The following ENOSF1 variants were observed in gnomAD, a reference collection of about 807,000 sequenced individuals.
The protein encoded by ENOSF1 is enolase superfamily member 1, also known as mitochondrial enolase superfamily member 1.
ENOSF1 carries 73 observed loss-of-function variants against 68.2 expected under a neutral mutation model. That is an observed-to-expected ratio of 1.07 (90% CI 0.89 to 1.30). The LOEUF (loss-of-function observed/expected upper bound fraction) is 1.30. Ranked by LOEUF, ENOSF1 falls within the 50% of genes most tolerant of loss-of-function variation. The probability of loss-of-function intolerance (pLI) is 0.00; values close to 1 mark genes in which losing one functional copy is unlikely to be tolerated. For synonymous variants in ENOSF1, 223 were observed against 210.4 expected (o/e 1.06, Z -0.52); for missense variants, 589 against 554.5 (o/e 1.06, Z -0.62).
intron 5 of ENOSF1, chr18:692,673 A>T (rs1218358191): frequency 2.0e-6 from 2 of 984,322 alleles, no homozygotes; most frequent in East Asian, 2.3e-4. Flanking sequence ...GGATCCAAAA[A>T]TGGAGGGTCC....
intron 11 of ENOSF1, among the ~76,000 whole-genome samples, chr18:681,267 T>G (rs115919864): frequency 0.021 from 3,230 of 152,330 alleles, 131 homozygotes; most frequent in African/African-American, 0.074. Flanking sequence ...AGCCTGTCCC[T>G]GGCATGTGCC....
chr18:668,305 A>T (rs186872347), downstream of ENOSF1, among the ~76,000 whole-genome samples: 190 of 152,298 alleles, frequency 1.2e-3, 1 homozygote, highest in African/African-American at 4.5e-3. Flanking sequence ...TTTGAGAACT[A>T]CTGAACCAGA....
chr18:665,504 C>T (rs2074802205), downstream of ENOSF1, among the ~76,000 whole-genome samples: 1 of 142,472 alleles, frequency 7.0e-6, no homozygotes, highest in South Asian at 2.3e-4. Context: ...TTTTTTGTGT[C>T]TCTATTTCCT....
intron 5 of ENOSF1, chr18:693,278 T>C: frequency 1.6e-6 from 2 of 1,274,026 alleles, no homozygotes; most frequent in Non-Finnish European, 2.0e-6. Context: ...GAGGCTACAA[T>C]GGCCTGATCT....
rs562303979 is a variant in ENOSF1 at position 706,493 on chromosome 18, G to C, written c.170C>G (p.Thr57Ser). 5 of 1,613,504 alleles carry C rather than the reference G, an allele frequency of 3.1e-6. No individual in the cohort carries two copies. The Admixed American group carries it at 6.7e-5, about 22-fold the overall frequency. ...ACCAACTTCAGTGCCTTTTCCCAGA[G>C]TGAAGGTAATTCCACACCCCTTGAT... ...DGIKGCGITF[T>S]LGKGTEVVVC... is the part of the protein sequence containing the mutation. Residue 57 changes from threonine (T) to serine (S), a missense_variant, in exon 2 of 16, where the codon ACT (threonine) becomes AGT (serine). Physicochemically the swap from Thr to Ser is moderately conservative, Grantham distance 58. Transcript: ENST00000647584.
intron 10 of ENOSF1, among the ~76,000 whole-genome samples, chr18:685,042 CT>C (rs1555652284): frequency 6.6e-6 from 1 of 151,654 alleles, no homozygotes; most frequent in Non-Finnish European, 1.5e-5. Flanking sequence ...TTTCTTCTTT[CT>C]TTTAGAGAGA....
Position 710,535 on chromosome 18 carries a change from TCTCA to T in ENOSF1, c.84+1965_84+1968del, listed in dbSNP as rs1379763749. 2.0e-5 allele frequency among the ~76,000 whole-genome samples: 3 copies of T among 151,948 alleles called. No individual in the cohort carries two copies. The South Asian group carries it at 6.2e-4, about 31-fold the overall frequency. ...CCTCCTTTTTTCTTTAGAAACAGGG[TCTCA>T]CTGTGTCATCCAGTGCCCAGGCTGG... On this transcript the variant is annotated intron_variant, in intron 1 of 15. Transcript: ENST00000647584.
chr18:677,558 AT>A, intron 13 of ENOSF1, 114 bp from the exon 14 acceptor site: 1 of 1,244,430 alleles, frequency 8.0e-7, no homozygotes, highest in Non-Finnish European at 1.1e-6. Context: ...ATTTATTAAT[AT>A]TTAGGAAGGA....
At chr18:667,257 TGATGGA>T (rs1280753773), downstream of ENOSF1, among the ~76,000 whole-genome samples, 3 of 21,146 alleles carry the variant, frequency 1.4e-4, no homozygotes, top group African/African-American at 3.6e-4. Flanking sequence ...ATGGTGATGG[TGATGGA>T]GATGGTGATG....
rs554550438 is a variant in ENOSF1 at position 692,757 on chromosome 18, G to C, written c.423+1125C>G. 1.1e-5 allele frequency: 11 copies of C among 996,328 alleles called. No homozygotes were observed. The African/African-American group carries it at 1.9e-4, about 17-fold the overall frequency. 61.7% of individuals were successfully genotyped at this position (996,328 alleles called of 1,614,324 possible). On this transcript the variant is annotated intron_variant, in intron 5 of 15. Transcript: ENST00000647584. The stretch of plus-strand genomic sequence containing the variant: ...TTTGGTGGCTACCTCCTCCATCCCC[G>C]TAAAACGCCAACCTTGAATCTAGAA...
At chr18:694,057 T>C (rs2077475634) in intron 4 of ENOSF1, 149 bp from the exon 5 acceptor site, 11 of 1,050,316 alleles carry the variant, frequency 1.0e-5, no homozygotes, top group Non-Finnish European at 1.5e-5. Flanking sequence ...TCCGCCATCC[T>C]GTCTCCTCTT....
In ENOSF1 at chr18:694,256, C is replaced by T; in HGVS notation, c.388G>A (p.Glu130Lys). The change falls in exon 4 of 16, where the codon GAG (glutamate) becomes AAG (lysine). Residue 130 changes from glutamate to lysine, a missense_variant. Transcript: ENST00000647584. ...TTTGTGAGAGGGGTTACCTTTCCCTCCTGCTTGGCCCACAAGTCCCACACC... is the reference window on the plus strand; with the variant it reads ...TTTGTGAGAGGGGTTACCTTTCCCTTCTGCTTGGCCCACAAGTCCCACACC... ...NAVWDLWAKQ[E>K]GKPVWKLLVD... The T allele has an allele frequency of 6.2e-7, 1 of 1,614,154 alleles. No homozygotes were observed. Among genetic ancestry groups the T allele is most frequent in the Non-Finnish European group, 8.5e-7 (1 of 1,180,024 alleles).
intron 15 of ENOSF1, among the ~76,000 whole-genome samples, chr18:674,945 G>A (rs759315673): frequency 2.0e-5 from 3 of 152,222 alleles, no homozygotes; most frequent in Non-Finnish European, 2.9e-5. Context: ...TTTGACCTCT[G>A]TTGGTGAAAA....
chr18:685,495 C>A (rs1331455412), intron 10 of ENOSF1, among the ~76,000 whole-genome samples: 1 of 152,134 alleles, frequency 6.6e-6, no homozygotes, highest in Admixed American at 6.5e-5. Flanking sequence ...ATATTTTACA[C>A]GTAAGAACTG....
chr18:708,937 G>A (rs545992076), intron 1 of ENOSF1, among the ~76,000 whole-genome samples: 1 of 152,258 alleles, frequency 6.6e-6, no homozygotes, highest in Non-Finnish European at 1.5e-5. Flanking sequence ...TCCAAGAAGA[G>A]GAAGCAATGG....
chr18:682,721 A>C (rs1178254766), intron 11 of ENOSF1, among the ~76,000 whole-genome samples: 1 of 149,362 alleles, frequency 6.7e-6, no homozygotes, highest in Non-Finnish European at 1.5e-5. Context: ...ATACCAAAAA[A>C]AAAAAAAAAA....
At position 693,086 on chromosome 18, in the gene ENOSF1, C is replaced by T. The variant is rs373332179; in HGVS notation, c.423+796G>A. The T allele has an allele frequency of 5.5e-5, 71 of 1,288,296 alleles. No individual in the cohort carries two copies. The African/African-American group carries it at 8.0e-4, about 15-fold the overall frequency. 79.8% of individuals were successfully genotyped at this position (1,288,296 alleles called of 1,614,324 possible). A position where few individuals can be genotyped will look rare whatever the true frequency, so the allele number is the denominator to read the frequency against. Reference sequence around the variant, plus strand: ...CATGCAGCTGGTGAGCAGTGAAACCCGGACTCACAGCCAGCTCTGCATGGG... The same window carrying T: ...CATGCAGCTGGTGAGCAGTGAAACCTGGACTCACAGCCAGCTCTGCATGGG... On this transcript the variant is annotated intron_variant, in intron 5 of 15. Transcript: ENST00000647584.
chr18:685,891 T>C (rs1382768232), intron 10 of ENOSF1, 30 bp downstream of exon 10: 1 of 1,530,576 alleles, frequency 6.5e-7, no homozygotes, highest in South Asian at 1.1e-5. Context: ...CAAAGGCTAC[T>C]GCTTCTTAGT....
intron 10 of ENOSF1, among the ~76,000 whole-genome samples, chr18:685,215 G>A (rs1266141406): frequency 6.6e-6 from 1 of 151,692 alleles, no homozygotes; most frequent in Non-Finnish European, 1.5e-5. Context: ...CATGTTGCCA[G>A]GCTGATCTTG....
Sources: gnomAD v4.1 joint callset for allele counts (sites outside exome capture counted in the v4.1 genomes callset) on GRCh38, gnomAD v4.1.1 for gene constraint, MANE v1.5 for transcripts, NCBI Gene and HGNC (gene_info 2026-07-23, HGNC 2026-07-21) for gene names.